The following PLSCR4 variants were observed in gnomAD, a reference collection of about 807,000 sequenced individuals.
The protein encoded by PLSCR4 is phospholipid scramblase 4.
PLSCR4 carries 25 observed loss-of-function variants against 36.3 expected under a neutral mutation model. The observed-to-expected ratio is 0.69, with a 90% CI of 0.50 to 0.96. The LOEUF (loss-of-function observed/expected upper bound fraction) is 0.96. PLSCR4 is among the 40% of genes least tolerant of loss of function. The pLI is 0.00. For synonymous variants in PLSCR4, 122 were observed against 132.9 expected (o/e 0.92, Z 0.56); for missense variants, 408 against 414.7 (o/e 0.98, Z 0.14).
At chr3:146,227,491 A>G (rs554546018) in intron 1 of PLSCR4, among the ~76,000 whole-genome samples, 2 of 152,334 alleles carry the variant, frequency 1.3e-5, no homozygotes, top group East Asian at 3.9e-4. Context: ...CAGCTGTGTT[A>G]TATGCAAGCT....
chr3:146,240,617 C>T (rs1020515827), intron 1 of PLSCR4, among the ~76,000 whole-genome samples: 4 of 152,048 alleles, frequency 2.6e-5, no homozygotes, highest in African/African-American at 9.7e-5. Flanking sequence ...AAAATAACAA[C>T]AAAACTACAA....
At chr3:146,207,043 G>A (rs1243311407) in intron 3 of PLSCR4, among the ~76,000 whole-genome samples, 16 of 152,072 alleles carry the variant, frequency 1.1e-4, no homozygotes, top group Admixed American at 1.0e-3. Context: ...AAACATGTTA[G>A]CTTCTTAATA....
At chr3:146,199,242 G>A (rs184529298) in intron 6 of PLSCR4, among the ~76,000 whole-genome samples, 28 of 152,152 alleles carry the variant, frequency 1.8e-4, no homozygotes, top group African/African-American at 5.3e-4. Flanking sequence ...CTCCAAAACC[G>A]CTTCTCTTTT....
chr3:146,222,320 G>C (rs1334037253), intron 1 of PLSCR4: 1 of 272,464 alleles, frequency 3.7e-6, no homozygotes, highest in African/African-American at 2.2e-5. Flanking sequence ...CACCTACTGT[G>C]CTGCAGTTTA....
intron 1 of PLSCR4, among the ~76,000 whole-genome samples, chr3:146,224,886 C>A (rs368835150): frequency 2.0e-5 from 2 of 101,662 alleles, no homozygotes; most frequent in African/African-American, 5.3e-5. Flanking sequence ...AGGTTCTCCA[C>A]GTCCCCATCA....
At chr3:146,223,690 A>T (rs1181225790) in intron 1 of PLSCR4, 1 of 152,088 alleles carries the variant, frequency 6.6e-6, no homozygotes, top group Non-Finnish European at 1.5e-5. Flanking sequence ...TGTCTTGCCA[A>T]GACGGGTGAA....
chr3:146,213,334 CTTTT>C (rs60242461), intron 3 of PLSCR4, among the ~76,000 whole-genome samples: 4 of 125,500 alleles, frequency 3.2e-5, no homozygotes, highest in African/African-American at 8.8e-5. Context: ...GTAAAATTTC[CTTTT>C]TTTTTTTTTT....
chr3:146,232,133 A>G (rs2035736947), intron 1 of PLSCR4, among the ~76,000 whole-genome samples: 1 of 152,016 alleles, frequency 6.6e-6, no homozygotes, highest in South Asian at 2.1e-4. Flanking sequence ...ATTGCTTGGT[A>G]TTGTTGACTT....
Position 146,196,640 on chromosome 3 carries a change from C to T in PLSCR4, c.778G>A (p.Val260Ile). 6.2e-7 allele frequency: 1 copy of T among 1,613,692 alleles called. No homozygotes were observed. The highest frequency in any genetic ancestry group is 8.5e-7 in the Non-Finnish European group (1 of 1,179,772). The change falls in exon 7 of 9, where the codon GTT (valine) becomes ATT (isoleucine). Residue 260 changes from valine to isoleucine, a missense_variant. Coordinates refer to ENST00000354952, the MANE Select transcript of PLSCR4 (RefSeq NM_020353.3). ...CSTYGCGSDSVFEVKSLDGIS... is the reference protein window; with the variant it reads ...CSTYGCGSDSIFEVKSLDGIS... ...TTTTTACATAGTTTCACCTCAAAAACAGAATCTGAACCACAGCCATAGGTT... is the reference window on the plus strand; with the variant it reads ...TTTTTACATAGTTTCACCTCAAAAATAGAATCTGAACCACAGCCATAGGTT...
At chr3:146,225,633 C>T (rs2035430193) in intron 1 of PLSCR4, among the ~76,000 whole-genome samples, 1 of 152,216 alleles carries the variant, frequency 6.6e-6, no homozygotes, top group Admixed American at 6.5e-5. Context: ...TGGGCTGGCA[C>T]TGCTGGAGGA....
intron 1 of PLSCR4, among the ~76,000 whole-genome samples, chr3:146,227,742 T>C (rs747155668): frequency 2.8e-4 from 43 of 152,224 alleles, no homozygotes; most frequent in Non-Finnish European, 5.3e-4. Flanking sequence ...GGGTCCTGTC[T>C]GTCTCCAGTG....
chr3:146,244,746 CA>C (rs1486875396), intron 1 of PLSCR4, among the ~76,000 whole-genome samples: 2 of 152,032 alleles, frequency 1.3e-5, no homozygotes, highest in African/African-American at 4.8e-5. Context: ...AATAAGCCTA[CA>C]AATGCCTCTA....
At chr3:146,209,747 A>T (rs1203784400) in intron 3 of PLSCR4, among the ~76,000 whole-genome samples, 1 of 152,106 alleles carries the variant, frequency 6.6e-6, no homozygotes, top group Non-Finnish European at 1.5e-5. Flanking sequence ...TATGCAACAG[A>T]CCCTAACTTA....
At chr3:146,237,114 C>T (rs143200252) in intron 1 of PLSCR4, among the ~76,000 whole-genome samples, 1,710 of 151,992 alleles carry the variant, frequency 0.011, 30 homozygotes, top group African/African-American at 0.039. Flanking sequence ...TTTATAAAGA[C>T]AAACAGGTCG....
At chr3:146,199,718 C>G in intron 6 of PLSCR4, 95 bp downstream of exon 6, 1 of 1,008,184 alleles carries the variant, frequency 9.9e-7, no homozygotes, top group Non-Finnish European at 1.5e-6. Context: ...GCTGGCAGGG[C>G]CAGGGAATAT....
intron 1 of PLSCR4, among the ~76,000 whole-genome samples, chr3:146,250,012 T>A (rs142483576): frequency 4.6e-5 from 7 of 152,172 alleles, no homozygotes; most frequent in Non-Finnish European, 8.8e-5. Context: ...CCCATCAAAT[T>A]TCAGTGTTTC....
rs187884474 is a variant in PLSCR4 at position 146,239,655 on chromosome 3, A to G, written c.-22+11305T>C. 5.3e-4 allele frequency among the ~76,000 whole-genome samples: 81 copies of G among 152,166 alleles called. 1 individual carries two copies. The East Asian group carries it at 0.016, about 29-fold the overall frequency. ...TCCCAGCACTTTGGGAGGCCAAGGC[A>G]GGAGAATCACCTGAGGTTGGGAGTT... On this transcript the variant is annotated intron_variant, in intron 1 of 8. Coordinates refer to ENST00000354952, the MANE Select transcript of PLSCR4 (RefSeq NM_020353.3).
chr3:146,205,479 C>A lies in PLSCR4; in HGVS notation c.354+1047G>T, dbSNP rs201486238. ...CTCTTTGGTCTTTCCTTGACATATC[C>A]AAATTCCCAGCATTACTACTCTTGT... On this transcript the variant is annotated intron_variant, in intron 4 of 8. Transcript: ENST00000354952. Among the ~76,000 whole-genome samples, 1,182 of 151,962 alleles carry A rather than the reference C, an allele frequency of 7.8e-3. 13 individuals carry two copies. Among genetic ancestry groups the A allele is most frequent in the African/African-American group, 0.025 (1,032 of 41,460 alleles).
chr3:146,209,866 AG>A (rs1304883298), intron 3 of PLSCR4, among the ~76,000 whole-genome samples: 1 of 152,120 alleles, frequency 6.6e-6, no homozygotes, highest in African/African-American at 2.4e-5. Context: ...AGATAAAGAA[AG>A]GTTTTTCTCC....
Sources: allele counts gnomAD v4.1 joint callset (sites outside exome capture counted in the v4.1 genomes callset), GRCh38; gene constraint gnomAD v4.1.1; transcripts MANE v1.5; gene names NCBI Gene and HGNC (gene_info 2026-07-23, HGNC 2026-07-21).